Variants in ITGAD observed in about 807,000 individuals in gnomAD.
The protein encoded by ITGAD is integrin subunit alpha D.
ITGAD carries 105 observed loss-of-function variants against 139.0 expected under a neutral mutation model. The ratio of observed to expected loss-of-function variants is 0.76; its 90% CI spans 0.65 to 0.89. ITGAD has a LOEUF of 0.89. Among genes scored for constraint, ITGAD ranks in the 40% least tolerant of loss-of-function variants. ITGAD has a pLI of 0.00. For missense variants in ITGAD, 1,384 were observed against 1,487.3 expected, an observed-to-expected ratio of 0.93 and a Z score of 1.14; for synonymous variants, 569 against 598.3, an observed-to-expected ratio of 0.95 and a Z score of 0.71.
chr16:31,414,378 T>A, intron 16 of ITGAD, 73 bp from the exon 17 acceptor site: 2 of 1,532,422 alleles, frequency 1.3e-6, no homozygotes, highest in South Asian at 1.2e-5. Flanking sequence ...ATGTATTGCA[T>A]GAACAAATAA....
In ITGAD at chr16:31,414,497, T is replaced by C; in HGVS notation, c.2043T>C (p.Gly681=). The C allele has an allele frequency of 1.9e-6, 3 of 1,614,228 alleles. No homozygotes were observed. The highest frequency in any genetic ancestry group is 2.5e-6 in the Non-Finnish European group (3 of 1,180,044). ...SVRFDLALDP[G]RLTSRAIFNE... is the part of the protein sequence containing the mutation. ...GGTTTGATCTGGCACTGGACCCAGG[T>C]CGTCTGACTTCTCGTGCCATTTTCA... The change falls in exon 17 of 30, where the codon GGT becomes GGC. Residue 681 remains glycine, a synonymous_variant. Transcript: ENST00000389202.
chr16:31,406,693 C>T (rs1320938814), intron 7 of ITGAD, among the ~76,000 whole-genome samples: 1 of 152,108 alleles, frequency 6.6e-6, no homozygotes, highest in Non-Finnish European at 1.5e-5. Flanking sequence ...CTCAGGGCTT[C>T]CAAAAGTGCA....
intron 23 of ITGAD, among the ~76,000 whole-genome samples, chr16:31,421,112 A>T (rs1305362661): frequency 6.6e-6 from 1 of 152,156 alleles, no homozygotes; most frequent in Admixed American, 6.5e-5. Context: ...ATTTAATCCT[A>T]CCAATAATTA....
chr16:31,407,697 G>A, intron 8 of ITGAD, 29 bp downstream of exon 8: 4 of 1,613,554 alleles, frequency 2.5e-6, no homozygotes, highest in Non-Finnish European at 3.4e-6. Context: ...CCTGCCCCAG[G>A]CTCAGCCTGC....
chr16:31,394,967 C>T (rs938131748), intron 2 of ITGAD, among the ~76,000 whole-genome samples: 1 of 152,202 alleles, frequency 6.6e-6, no homozygotes, highest in Non-Finnish European at 1.5e-5. Flanking sequence ...GTGTGAGCCA[C>T]CCTGTCTTGC....
rs367809836 is a variant in ITGAD, at chr16:31,411,297, G to T, written c.1498-11G>T. On this transcript the variant is annotated splice_polypyrimidine_tract_variant and intron_variant, in intron 13 of 29. Coordinates refer to ENST00000389202, the MANE Select transcript of ITGAD (RefSeq NM_005353.3). ...CCTGGATTGGGGTCTGACACTGCTT[G>T]TGTTCAGCAGAGGGTGCAGTGGCAG... 6.2e-7 allele frequency: 1 copy of T among 1,609,812 alleles called. No homozygotes were observed. Among genetic ancestry groups the T allele is most frequent in the East Asian group, 2.2e-5 (1 of 44,802 alleles).
chr16:31,407,843 G>A lies in ITGAD; in HGVS notation c.936G>A (p.Val312=), dbSNP rs780650502. Residue 312 remains valine, a synonymous_variant, in exon 9 of 30, where the codon GTG becomes GTA. Transcript: ENST00000389202. ...GCTCAGCGCCTCCGCAGGACCACGT[G>A]TTCAAGGTGGACAACTTTGCAGCCC... ...TISSAPPQDH[V]FKVDNFAALG... 8 of 1,609,974 alleles carry A rather than the reference G, an allele frequency of 5.0e-6. 1 individual carries two copies. The highest frequency in any genetic ancestry group is 3.3e-4 in the Middle Eastern group (2 of 6,074).
intron 2 of ITGAD, among the ~76,000 whole-genome samples, chr16:31,396,839 T>C (rs1326874487): frequency 6.6e-6 from 1 of 152,252 alleles, no homozygotes; most frequent in Non-Finnish European, 1.5e-5. Flanking sequence ...TTATGGATCC[T>C]AGTACACTGC....
At chr16:31,424,707 C>T (rs1437006393) in intron 29 of ITGAD, 130 bp downstream of exon 29, 2 of 574,162 alleles carry the variant, frequency 3.5e-6, no homozygotes, top group Admixed American at 3.3e-5. Flanking sequence ...AAGTGATTCT[C>T]CTGTCTCAGC....
At chr16:31,411,239 G>A in intron 13 of ITGAD, 23 bp downstream of exon 13, 1 of 1,611,688 alleles carries the variant, frequency 6.2e-7, no homozygotes, top group East Asian at 2.2e-5. Flanking sequence ...TGGGACCTAG[G>A]CTGGGTGGGG....
intron 14 of ITGAD, 29 bp downstream of exon 14, chr16:31,411,546 C>A (rs770630966): frequency 2.5e-6 from 4 of 1,606,814 alleles, no homozygotes; most frequent in African/African-American, 1.3e-5. Context: ...CTCTTTTAGT[C>A]CCAGCTCCTT....
In ITGAD at chr16:31,424,447, C is replaced by T. The variant is rs1254751667; in HGVS notation, c.3262-20C>T. On this transcript the variant is annotated intron_variant, in intron 28 of 29. Coordinates refer to ENST00000389202, the MANE Select transcript of ITGAD (RefSeq NM_005353.3). ...ATCTGGGATGGCATGAGGCCGGATG[C>T]TCTCTGATCTCTAAATCAGATGGAG... 2.5e-6 allele frequency: 4 copies of T among 1,591,090 alleles called. No homozygotes were observed. Among genetic ancestry groups the T allele is most frequent in the Non-Finnish European group, 3.4e-6 (4 of 1,160,546 alleles).
At chr16:31,397,706 C>CCCGG in intron 4 of ITGAD, 40 bp downstream of exon 4, 20 of 299,902 alleles carry the variant, frequency 6.7e-5, no homozygotes, top group Non-Finnish European at 1.1e-4. Flanking sequence ...TGGGGTGGGG[C>CCCGG]GGGGGGTGTT....
At chr16:31,418,833 C>T (rs559158338) in intron 23 of ITGAD, among the ~76,000 whole-genome samples, 60 of 152,244 alleles carry the variant, frequency 3.9e-4, no homozygotes, top group Non-Finnish European at 8.5e-4. Flanking sequence ...CCAGCTTGGC[C>T]AACATGGTGA....
At chr16:31,417,452 AG>A (rs1289034585) in intron 20 of ITGAD, among the ~76,000 whole-genome samples, 2 of 151,886 alleles carry the variant, frequency 1.3e-5, no homozygotes, top group African/African-American at 4.8e-5. Flanking sequence ...ATATTCCAAA[AG>A]CTTCATGGTT....
intron 10 of ITGAD, among the ~76,000 whole-genome samples, chr16:31,408,827 G>A (rs2084560381): frequency 6.6e-6 from 1 of 152,198 alleles, no homozygotes; most frequent in Non-Finnish European, 1.5e-5. Flanking sequence ...GACTGTTCTG[G>A]GCACAGGACA....
intron 18 of ITGAD, 30 bp downstream of exon 18, chr16:31,415,021 T>C: frequency 6.2e-7 from 1 of 1,612,482 alleles, no homozygotes; most frequent in Non-Finnish European, 8.5e-7. Context: ...CCCAGGGATG[T>C]GCTGACTTCA....
At chr16:31,394,211 TC>T in intron 1 of ITGAD, 24 bp from the exon 2 acceptor site, 1 of 1,497,784 alleles carries the variant, frequency 6.7e-7, no homozygotes, top group South Asian at 1.1e-5. Context: ...ACTCCCAGCC[TC>T]CCCGCCCACC....
At position 31,423,563 on chromosome 16, in the gene ITGAD, C is replaced by T; in HGVS notation, c.2968-8C>T. The T allele has an allele frequency of 6.2e-7, 1 of 1,613,770 alleles. No individual in the cohort carries two copies. Among genetic ancestry groups the T allele is most frequent in the Non-Finnish European group, 8.5e-7 (1 of 1,179,650 alleles). On this transcript the variant is annotated splice_polypyrimidine_tract_variant and splice_region_variant and intron_variant, in intron 25 of 29. Transcript: ENST00000389202. ...ATTCTGTGGCTAAGTGCTTCTTTCT[C>T]TTCCCAGAGTCTCCCCTGTGTTTCA...
Sources: gnomAD v4.1 joint callset for allele counts (sites outside exome capture counted in the v4.1 genomes callset) on GRCh38, gnomAD v4.1.1 for gene constraint, MANE v1.5 for transcripts, NCBI Gene and HGNC (gene_info 2026-07-23, HGNC 2026-07-21) for gene names.